Variants in CDH13 observed in about 807,000 individuals in gnomAD.
CDH13 encodes cadherin-13.
Under a neutral mutation model 63.8 loss-of-function variants are expected in CDH13, and 24 were observed. The ratio of observed to expected loss-of-function variants is 0.38; its 90% CI spans 0.27 to 0.53. The LOEUF is 0.53. Ranked by LOEUF, CDH13 falls within the 20% of genes least tolerant of loss-of-function variation. CDH13 has a pLI of 0.85. For missense variants in CDH13, 1,049 were observed against 903.1 expected, an observed-to-expected ratio of 1.16 and a Z score of -2.07; for synonymous variants, 503 against 355.3, an observed-to-expected ratio of 1.42 and a Z score of -4.67.
chr16:83,061,961 C>T (rs1004983944), intron 3 of CDH13, among the ~76,000 whole-genome samples: 5 of 151,990 alleles, frequency 3.3e-5, no homozygotes, highest in African/African-American at 1.2e-4. Flanking sequence ...ATTTGGAGCT[C>T]GAAACTGAGA....
chr16:83,672,146 C>T (rs965565572), intron 9 of CDH13, among the ~76,000 whole-genome samples: 1 of 152,188 alleles, frequency 6.6e-6, no homozygotes, highest in African/African-American at 2.4e-5. Flanking sequence ...CACCAGTTTC[C>T]TCATCTGTAA....
intron 3 of CDH13, among the ~76,000 whole-genome samples, chr16:83,102,568 T>C (rs1376995801): frequency 1.3e-5 from 2 of 152,082 alleles, no homozygotes; most frequent in African/African-American, 4.8e-5. Context: ...CTCCAGGTGC[T>C]AGGAGATCGC....
At chr16:82,950,107 T>G (rs1905138363) in intron 2 of CDH13, among the ~76,000 whole-genome samples, 1 of 152,112 alleles carries the variant, frequency 6.6e-6, no homozygotes, top group Non-Finnish European at 1.5e-5. Flanking sequence ...AAATTTCCTG[T>G]CAATCTCTTC....
chr16:83,712,462 A>G (rs1446725750), intron 10 of CDH13, among the ~76,000 whole-genome samples: 8 of 152,236 alleles, frequency 5.3e-5, no homozygotes, highest in Non-Finnish European at 2.9e-5. Context: ...AAATTCCCAC[A>G]TATTGCCTTA....
intron 1 of CDH13, among the ~76,000 whole-genome samples, chr16:82,711,638 TC>T (rs1299394382): frequency 3.9e-5 from 6 of 152,116 alleles, no homozygotes; most frequent in African/African-American, 1.4e-4. Flanking sequence ...TCTCTTGGGC[TC>T]CCCCACCTTG....
rs187054252 is a variant in CDH13, at chr16:83,301,327, G to T, written c.637-43535G>T. 2.5e-4 allele frequency among the ~76,000 whole-genome samples: 38 copies of T among 152,164 alleles called. No homozygotes were observed. In the East Asian group the frequency reaches 7.4e-3, roughly 29 times the overall value. On this transcript the variant is annotated intron_variant, in intron 5 of 13. Coordinates refer to ENST00000567109, the MANE Select transcript of CDH13 (RefSeq NM_001257.5). ...ATTACAGGCGTGAGCCACCGCACCT[G>T]GTCAGGGTTTTATTTCAGAACCGTT...
chr16:83,685,079 A>T (rs945963513), intron 10 of CDH13, among the ~76,000 whole-genome samples: 6 of 152,188 alleles, frequency 3.9e-5, no homozygotes, highest in Non-Finnish European at 7.3e-5. Context: ...AGGATGGGAA[A>T]TGGAGAAAGA....
chr16:83,462,520 C>G (rs193261112), intron 6 of CDH13, among the ~76,000 whole-genome samples: 2 of 152,138 alleles, frequency 1.3e-5, no homozygotes, highest in Admixed American at 1.3e-4. Flanking sequence ...GGGAGGCCAA[C>G]GCGAGCAGGA....
chr16:82,863,177 C>G (rs374715467), intron 2 of CDH13, among the ~76,000 whole-genome samples: 1 of 152,050 alleles, frequency 6.6e-6, no homozygotes, highest in East Asian at 1.9e-4. Flanking sequence ...AGAAATGGAC[C>G]ACAAAGGAGC....
At chr16:83,300,488 C>G (rs181403747) in intron 5 of CDH13, among the ~76,000 whole-genome samples, 9 of 152,156 alleles carry the variant, frequency 5.9e-5, no homozygotes, top group Admixed American at 1.3e-4. Flanking sequence ...GAACTGAGAC[C>G]TGACAAGTTA....
At chr16:83,508,938 C>A (rs1340753535) in intron 7 of CDH13, among the ~76,000 whole-genome samples, 1 of 151,612 alleles carries the variant, frequency 6.6e-6, no homozygotes, top group Non-Finnish European at 1.5e-5. Context: ...CTAATGGGTA[C>A]CTGGAGTTGA....
At chr16:82,664,706 T>G (rs976761522) in intron 1 of CDH13, among the ~76,000 whole-genome samples, 3 of 152,252 alleles carry the variant, frequency 2.0e-5, no homozygotes, top group African/African-American at 7.2e-5. Context: ...ACTTGCTTAT[T>G]AACTAACAAT....
At chr16:82,728,165 A>C (rs1053603425) in intron 1 of CDH13, among the ~76,000 whole-genome samples, 9 of 152,196 alleles carry the variant, frequency 5.9e-5, no homozygotes, top group African/African-American at 2.2e-4. Context: ...AAGCACTCCA[A>C]AAATGTTCTC....
rs78290484 is a variant in CDH13 at position 83,033,262 on chromosome 16, G to A, written c.366+1044G>A. Among the ~76,000 whole-genome samples, 904 of 150,814 alleles carry A rather than the reference G, an allele frequency of 6.0e-3. 13 individuals are homozygous for A. Among genetic ancestry groups the A allele is most frequent in the African/African-American group, 0.021 (877 of 41,356 alleles). On this transcript the variant is annotated intron_variant, in intron 3 of 13. Transcript: ENST00000567109. Reference sequence around the variant, plus strand: ...CCTTCAGTGACTTCAGTATATCTATGTGTGTATATGTATATATGTATATGT... The same window carrying A: ...CCTTCAGTGACTTCAGTATATCTATATGTGTATATGTATATATGTATATGT...
chr16:82,975,102 A>G (rs1909312964), intron 2 of CDH13, among the ~76,000 whole-genome samples: 1 of 152,208 alleles, frequency 6.6e-6, no homozygotes, highest in Admixed American at 6.5e-5. Context: ...CGATGGGTAT[A>G]AAGCATAAAC....
chr16:83,220,188 C>A (rs182650714), intron 5 of CDH13, among the ~76,000 whole-genome samples: 51 of 152,332 alleles, frequency 3.3e-4, no homozygotes, highest in African/African-American at 1.1e-3. Context: ...CATACCCGCA[C>A]TGAAGCTTCT....
intron 6 of CDH13, among the ~76,000 whole-genome samples, chr16:83,348,349 C>T (rs781399307): frequency 3.9e-5 from 6 of 152,284 alleles, no homozygotes; most frequent in Non-Finnish European, 7.3e-5. Flanking sequence ...ACTAGTTCTT[C>T]GGATGAAATA....
intron 1 of CDH13, among the ~76,000 whole-genome samples, chr16:82,767,488 A>G (rs1040621966): frequency 1.1e-4 from 17 of 152,216 alleles, no homozygotes; most frequent in Non-Finnish European, 1.5e-5. Flanking sequence ...CTGAATCGGG[A>G]AAAACAAATA....
At chr16:82,966,023 C>G (rs183851556) in intron 2 of CDH13, among the ~76,000 whole-genome samples, 477 of 152,354 alleles carry the variant, frequency 3.1e-3, no homozygotes, top group African/African-American at 0.01. Context: ...AGCGTCTTGG[C>G]TAGCCTCAGA....
Sources: allele counts gnomAD v4.1 joint callset (sites outside exome capture counted in the v4.1 genomes callset), GRCh38; gene constraint gnomAD v4.1.1; transcripts MANE v1.5; gene names NCBI Gene and HGNC (gene_info 2026-07-23, HGNC 2026-07-21).